QPCT: variants seen among roughly 807,000 people sequenced by gnomAD.
QPCT encodes EC.
QPCT carries 44 observed loss-of-function variants against 43.4 expected under a neutral mutation model. The observed-to-expected ratio is 1.01, with a 90% CI of 0.80 to 1.30. The LOEUF (loss-of-function observed/expected upper bound fraction) is 1.30. Among genes scored for constraint, QPCT ranks in the 50% most tolerant of loss-of-function variants. The pLI is 0.00. For synonymous variants in QPCT, 168 were observed against 168.4 expected (o/e 1.00, Z 0.02); for missense variants, 526 against 436.5 (o/e 1.21, Z -1.83).
intron 1 of QPCT, among the ~76,000 whole-genome samples, chr2:37,349,642 G>T (rs1672577418): frequency 6.6e-6 from 1 of 152,172 alleles, no homozygotes; most frequent in Non-Finnish European, 1.5e-5. Flanking sequence ...AGTTTTGGTT[G>T]TCATAGTGAC....
rs1267145271 is a variant in QPCT at position 37,359,145 on chromosome 2, T to C, written c.268-435T>C. 1.3e-5 allele frequency among the ~76,000 whole-genome samples: 2 copies of C among 152,190 alleles called. 1 individual carries two copies. Among genetic ancestry groups the C allele is most frequent in the African/African-American group, 4.8e-5 (2 of 41,448 alleles). ...TCCTGACTTGTAGACATGTCCATAA[T>C]ATATTGTTAAAGGAGAAAAGCAAGG... On this transcript the variant is annotated intron_variant, in intron 2 of 6. Transcript: ENST00000338415.
chr2:37,360,318 T>C (rs1448361646), intron 3 of QPCT, among the ~76,000 whole-genome samples: 1 of 152,154 alleles, frequency 6.6e-6, no homozygotes, highest in Non-Finnish European at 1.5e-5. Flanking sequence ...TTCAGACCTA[T>C]CAAGATGAAA....
chr2:37,344,659 G>A lies in QPCT; in HGVS notation c.-73G>A. 5 of 1,528,668 alleles carry A rather than the reference G, an allele frequency of 3.3e-6. No individual in the cohort carries two copies. The highest frequency in any genetic ancestry group is 4.4e-6 in the Non-Finnish European group (5 of 1,139,280). 94.7% of individuals were successfully genotyped at this position (1,528,668 alleles called of 1,614,324 possible). A position where few individuals can be genotyped will look rare whatever the true frequency, so the allele number is the denominator to read the frequency against. ...GACCCAAGGGTGGAGAAGAGGGAAGGCGAAGGACGCGCGTTCCCGGGCTCG... is the reference window on the plus strand; with the variant it reads ...GACCCAAGGGTGGAGAAGAGGGAAGACGAAGGACGCGCGTTCCCGGGCTCG... On this transcript the variant is annotated 5_prime_UTR_variant, in exon 1 of 7. Transcript: ENST00000338415.
chr2:37,349,987 G>A (rs1050495431), intron 1 of QPCT, among the ~76,000 whole-genome samples: 1 of 152,166 alleles, frequency 6.6e-6, no homozygotes, highest in Non-Finnish European at 1.5e-5. Flanking sequence ...GTGTGGGAGA[G>A]AGAGGTAAAC....
chr2:37,356,639 T>C (rs1461721663), intron 2 of QPCT, among the ~76,000 whole-genome samples: 1 of 152,326 alleles, frequency 6.6e-6, no homozygotes, highest in Non-Finnish European at 1.5e-5. Context: ...AATTAGATTA[T>C]GCAGCCAATT....
At chr2:37,363,741 G>T (rs1486577726) in intron 3 of QPCT, among the ~76,000 whole-genome samples, 2 of 150,178 alleles carry the variant, frequency 1.3e-5, no homozygotes, top group African/African-American at 4.9e-5. Context: ...AGCAGAAAAT[G>T]ACTTAAAGGA....
At chr2:37,350,941 C>G (rs891533465) in intron 1 of QPCT, among the ~76,000 whole-genome samples, 2 of 152,136 alleles carry the variant, frequency 1.3e-5, no homozygotes, top group Non-Finnish European at 2.9e-5. Context: ...GTTTAGTAAC[C>G]TGGAAAGATT....
chr2:37,349,308 A>G (rs188094586), intron 1 of QPCT, among the ~76,000 whole-genome samples: 166 of 152,356 alleles, frequency 1.1e-3, no homozygotes, highest in South Asian at 2.5e-3. Context: ...ATAAGCATCA[A>G]TAGGCCTGGC....
At chr2:37,365,485 C>T (rs2373000) in intron 3 of QPCT, among the ~76,000 whole-genome samples, 83,489 of 151,982 alleles carry the variant, frequency 0.55, 25,401 homozygotes, top group African/African-American at 0.81. Context: ...TTGGAGACAG[C>T]GTGAATAGAC....
At chr2:37,354,471 A>G (rs1672698451) in intron 2 of QPCT, among the ~76,000 whole-genome samples, 2 of 152,324 alleles carry the variant, frequency 1.3e-5, no homozygotes, top group South Asian at 2.1e-4. Flanking sequence ...TTATCTCAAT[A>G]TTAGGAATTT....
rs1389307350 is a variant in QPCT, at chr2:37,347,144, T to TTTTA, written c.120+2294_120+2295insTTAT. Among the ~76,000 whole-genome samples the TTTTA allele has an allele frequency of 9.8e-4, 54 of 55,320 alleles. 5 individuals are homozygous for TTTTA. Among genetic ancestry groups the TTTTA allele is most frequent in the African/African-American group, 3.3e-3 (35 of 10,690 alleles). 36.3% of individuals were successfully genotyped at this position (55,320 alleles called of 152,430 possible). A position where few individuals can be genotyped will look rare whatever the true frequency, so the allele number is the denominator to read the frequency against. ...CATTGGCATCTGGGTATGGGGTGTTTTATATATATATATATATATAACATA... is the reference window on the plus strand; with the variant it reads ...CATTGGCATCTGGGTATGGGGTGTTTTTTATATATATATATATATATATAACATA... On this transcript the variant is annotated intron_variant, in intron 1 of 6. Coordinates refer to ENST00000338415, the MANE Select transcript of QPCT (RefSeq NM_012413.4).
intron 4 of QPCT, chr2:37,368,789 C>T: frequency 2.4e-6 from 1 of 409,948 alleles, no homozygotes; most frequent in Non-Finnish European, 5.0e-6. Context: ...TATATGAAGC[C>T]ACAGTGATTC....
chr2:37,350,116 G>A, intron 1 of QPCT, among the ~76,000 whole-genome samples: 1 of 152,144 alleles, frequency 6.6e-6, no homozygotes, highest in East Asian at 1.9e-4. Flanking sequence ...GTGAGCAGGA[G>A]TTAGCCAGGT....
intron 3 of QPCT, 58 bp from the exon 4 acceptor site, chr2:37,367,174 T>A: frequency 4.0e-6 from 6 of 1,501,634 alleles, no homozygotes. Flanking sequence ...TAGAAAATCA[T>A]GCTATTTTTC....
intron 1 of QPCT, among the ~76,000 whole-genome samples, chr2:37,345,610 T>C (rs1401285588): frequency 6.6e-6 from 1 of 151,104 alleles, no homozygotes; most frequent in East Asian, 1.9e-4. Context: ...CCGAGGCGGG[T>C]GGATCACGAG....
At chr2:37,346,796 C>T (rs1672497666) in intron 1 of QPCT, among the ~76,000 whole-genome samples, 1 of 152,002 alleles carries the variant, frequency 6.6e-6, no homozygotes, top group Non-Finnish European at 1.5e-5. Context: ...TGAATCGGTC[C>T]ACACTAAAAT....
chr2:37,348,920 C>T (rs1352757745), intron 1 of QPCT, among the ~76,000 whole-genome samples: 5 of 152,184 alleles, frequency 3.3e-5, no homozygotes, highest in Non-Finnish European at 7.4e-5. Context: ...GAGTTACTTT[C>T]CCCCTGCTGA....
intron 5 of QPCT, among the ~76,000 whole-genome samples, chr2:37,371,041 A>G (rs1049350477): frequency 1.3e-5 from 2 of 152,174 alleles, no homozygotes; most frequent in African/African-American, 4.8e-5. Context: ...TGCCATGAGT[A>G]AAGAATTTGT....
chr2:37,346,470 A>G (rs1398084634), intron 1 of QPCT, among the ~76,000 whole-genome samples: 1 of 152,236 alleles, frequency 6.6e-6, no homozygotes, highest in Non-Finnish European at 1.5e-5. Context: ...AAGGGAATAA[A>G]TGAGATGGAA....
Sources: gnomAD v4.1 joint callset for allele counts (sites outside exome capture counted in the v4.1 genomes callset) on GRCh38, gnomAD v4.1.1 for gene constraint, MANE v1.5 for transcripts, NCBI Gene and HGNC (gene_info 2026-07-23, HGNC 2026-07-21) for gene names.